Variants in PKHD1L1 observed in about 807,000 individuals in gnomAD.
The protein encoded by PKHD1L1 is fibrocystin-L.
Under a neutral mutation model 462.9 loss-of-function variants are expected in PKHD1L1, and 434 were observed. The observed-to-expected ratio is 0.94, with a 90% CI of 0.87 to 1.02. The LOEUF (loss-of-function observed/expected upper bound fraction) is 1.02, where lower values mean the gene tolerates loss of function less well. Among genes scored for constraint, PKHD1L1 ranks in the 50% least tolerant of loss-of-function variants. The pLI, the probability that PKHD1L1 is intolerant of heterozygous loss-of-function variation, is 0.00. For missense variants in PKHD1L1, 5,202 were observed against 5,096.1 expected, an observed-to-expected ratio of 1.02 and a Z score of -0.63; for synonymous variants, 1,781 against 1,750.0, an observed-to-expected ratio of 1.02 and a Z score of -0.44.
chr8:109,435,421 T>C (rs1815352262), intron 29 of PKHD1L1, 67 bp downstream of exon 29: 2 of 1,509,750 alleles, frequency 1.3e-6, no homozygotes. Context: ...GTGCTGTTTC[T>C]AGTACAGGGT....
chr8:109,380,047 C>CTAT (rs1812031684), intron 2 of PKHD1L1, among the ~76,000 whole-genome samples: 1 of 152,136 alleles, frequency 6.6e-6, no homozygotes, highest in African/African-American at 2.4e-5. Flanking sequence ...TAGTGTCACC[C>CTAT]TATTAGCTAC....
At chr8:109,435,443 A>AAGCTTTGGGATCCTC in intron 29 of PKHD1L1, 89 bp downstream of exon 29, 1 of 1,366,288 alleles carries the variant, frequency 7.3e-7, no homozygotes, top group Non-Finnish European at 9.9e-7. Flanking sequence ...AAGGGAGAGG[A>AAGCTTTGGGATCCTC]TCCCAAAGCT....
At chr8:109,510,131 C>A (rs529996900) in intron 70 of PKHD1L1, among the ~76,000 whole-genome samples, 4 of 152,110 alleles carry the variant, frequency 2.6e-5, no homozygotes, top group African/African-American at 9.6e-5. Context: ...TAACTGTCAA[C>A]AAAAATTTCT....
chr8:109,445,842 T>C (rs891855992), intron 38 of PKHD1L1, among the ~76,000 whole-genome samples, 197 bp downstream of exon 38: 2 of 152,242 alleles, frequency 1.3e-5, no homozygotes, highest in African/African-American at 4.8e-5. Flanking sequence ...ATAACAATTT[T>C]AGCCAAATTT....
chr8:109,429,395 AG>A lies in PKHD1L1; in HGVS notation c.3058del (p.Glu1020LysfsTer49). ...EKANMTVTRI[K>X]EGGLFRQHVL... is the part of the protein sequence containing the mutation. Reference sequence around the variant, plus strand: ...GCTAATATGACAGTTACAAGGATAAAGGAAGGTGGCTTATTCAGACAACATG... The same window carrying A: ...GCTAATATGACAGTTACAAGGATAAAGAAGGTGGCTTATTCAGACAACATG... On this transcript the variant is annotated frameshift_variant, in exon 26 of 78. Transcript: ENST00000378402. LOFTEE classifies it high-confidence loss of function. 6.3e-7 allele frequency: 1 copy of A among 1,587,372 alleles called. No homozygotes were observed. Among genetic ancestry groups the A allele is most frequent in the Non-Finnish European group, 8.6e-7 (1 of 1,160,362 alleles).
At chr8:109,480,247 C>A (rs1463304129) in intron 55 of PKHD1L1, 108 bp downstream of exon 55, 5 of 1,184,020 alleles carry the variant, frequency 4.2e-6, no homozygotes, top group African/African-American at 1.6e-5. Flanking sequence ...AATAAAAACA[C>A]AACTGGCTCT....
chr8:109,421,035 T>C (rs911642534), intron 23 of PKHD1L1, among the ~76,000 whole-genome samples: 1 of 152,086 alleles, frequency 6.6e-6, no homozygotes, highest in Non-Finnish European at 1.5e-5. Flanking sequence ...TGCTTTTTAA[T>C]TGTTTTGTTA....
rs564512971 is a variant in PKHD1L1, at chr8:109,510,826, G to A, written c.11445G>A (p.Leu3815=). 210 of 1,613,242 alleles carry A rather than the reference G, an allele frequency of 1.3e-4. No individual in the cohort carries two copies. Among genetic ancestry groups the A allele is most frequent in the Non-Finnish European group, 1.7e-4 (202 of 1,179,490 alleles). ...CTGGATATACATGCCAGAGAAGGCT[G>A]TCCCTGTTTCACAGCATTGTGGCTC... ...WCAGYTCQRR[L]SLFHSIVALN... is the part of the protein sequence containing the mutation. Residue 3815 remains leucine, a synonymous_variant, in exon 71 of 78, where the codon CTG becomes CTA. Coordinates refer to ENST00000378402, the MANE Select transcript of PKHD1L1 (RefSeq NM_177531.6).
chr8:109,392,307 A>G (rs902098434), intron 9 of PKHD1L1, among the ~76,000 whole-genome samples: 13 of 152,218 alleles, frequency 8.5e-5, no homozygotes, highest in Admixed American at 5.9e-4. Flanking sequence ...TCAGAGAAAT[A>G]ATTATCCAAA....
In PKHD1L1 at chr8:109,515,233, T is replaced by C; in HGVS notation, c.11617T>C (p.Leu3873=). The change falls in exon 72 of 78, where the codon TTG becomes CTG. Residue 3873 remains leucine (L), a synonymous_variant. Transcript: ENST00000378402. The part of the protein sequence containing the change: ...QRLDVYVNNL[L]VCPKTTIWNA... Reference sequence around the variant, plus strand: ...TTTGGATGTCTATGTGAACAACTTATTGGTCTGTCCAAAAACTACAATATG... The same window carrying C: ...TTTGGATGTCTATGTGAACAACTTACTGGTCTGTCCAAAAACTACAATATG... 1.9e-6 allele frequency: 3 copies of C among 1,603,794 alleles called. No individual in the cohort carries two copies. The highest frequency in any genetic ancestry group is 8.5e-7 in the Non-Finnish European group (1 of 1,173,012).
chr8:109,381,741 T>A (rs572073339), intron 3 of PKHD1L1, among the ~76,000 whole-genome samples: 2 of 152,246 alleles, frequency 1.3e-5, no homozygotes, highest in African/African-American at 4.8e-5. Flanking sequence ...CCCATGTTAT[T>A]AGAGCTATTA....
chr8:109,378,875 A>G (rs1255442194), intron 2 of PKHD1L1, among the ~76,000 whole-genome samples: 1 of 152,196 alleles, frequency 6.6e-6, no homozygotes, highest in Non-Finnish European at 1.5e-5. Flanking sequence ...GGGACTCATA[A>G]TAGTGAGCAT....
In PKHD1L1 at chr8:109,466,582, C is replaced by G. The variant is rs192199811; in HGVS notation, c.8418C>G (p.His2806Gln). Residue 2806 changes from histidine to glutamine, a missense_variant, in exon 50 of 78, where the codon CAC becomes CAG. This residue lies in a region of PKHD1L1 where 4,497 missense variants were observed against 4,336.8 expected (regional missense o/e 1.04). Coordinates refer to ENST00000378402, the MANE Select transcript of PKHD1L1 (RefSeq NM_177531.6). ...TTTTGTTTGTTTGTTTCCCAGGGCA[C>G]AAAGGACATACCGTCATTCCACACA... Reference protein sequence around the residue: ...MIDVDGSLTGHKGHTVIPHSS... With the variant: ...MIDVDGSLTGQKGHTVIPHSS... 470 of 1,580,186 alleles carry G rather than the reference C, an allele frequency of 3.0e-4. 2 individuals are homozygous for G. The African/African-American group carries it at 5.9e-3, about 20-fold the overall frequency.
intron 11 of PKHD1L1, among the ~76,000 whole-genome samples, chr8:109,397,171 G>C (rs949122412): frequency 6.6e-6 from 1 of 152,070 alleles, no homozygotes; most frequent in Non-Finnish European, 1.5e-5. Flanking sequence ...TCATACAGTT[G>C]ATATGAAAAG....
intron 32 of PKHD1L1, among the ~76,000 whole-genome samples, chr8:109,439,300 A>G (rs983962546): frequency 1.3e-5 from 2 of 152,154 alleles, no homozygotes; most frequent in African/African-American, 2.4e-5. Context: ...ATCAGGTTGT[A>G]AAATTCTCTG....
At chr8:109,419,654 A>G (rs1163049987) in intron 22 of PKHD1L1, among the ~76,000 whole-genome samples, 1 of 152,158 alleles carries the variant, frequency 6.6e-6, no homozygotes. Flanking sequence ...GAAACTTTCC[A>G]TAGACTTAAG....
chr8:109,371,692 G>A (rs1811519614), intron 2 of PKHD1L1, among the ~76,000 whole-genome samples: 1 of 138,984 alleles, frequency 7.2e-6, no homozygotes, highest in African/African-American at 2.6e-5. Context: ...AAGGTGTAAG[G>A]AAGGGATCCA....
chr8:109,487,890 G>GAGAGAGGAAGGA (rs1818620894), intron 59 of PKHD1L1, among the ~76,000 whole-genome samples: 2 of 69,322 alleles, frequency 2.9e-5, no homozygotes, highest in Admixed American at 1.6e-4. Context: ...GAGAGAGAGA[G>GAGAGAGGAAGGA]AGGAAGGAAG....
At chr8:109,377,555 G>C (rs968378892) in intron 2 of PKHD1L1, among the ~76,000 whole-genome samples, 6 of 152,122 alleles carry the variant, frequency 3.9e-5, no homozygotes, top group Non-Finnish European at 7.4e-5. Context: ...TTAAGAACCT[G>C]TGATAGAGAA....
Sources: allele counts gnomAD v4.1 joint callset (sites outside exome capture counted in the v4.1 genomes callset), GRCh38; gene constraint gnomAD v4.1.1; regional missense constraint gnomAD v4.1.1; transcripts MANE v1.5; gene names NCBI Gene and HGNC (gene_info 2026-07-23, HGNC 2026-07-21).